Variants in LPAR1 observed in about 807,000 individuals in gnomAD.
LPAR1 encodes the protein LPA receptor 1.
Under a neutral mutation model 23.8 loss-of-function variants are expected in LPAR1, and 5 were observed. The observed-to-expected ratio is 0.21, with a 90% CI of 0.11 to 0.44. The LOEUF is 0.44. Ranked by LOEUF, LPAR1 falls within the 20% of genes least tolerant of loss-of-function variation. LPAR1 has a pLI of 0.99. For missense variants in LPAR1, 311 were observed against 482.8 expected (o/e 0.64, Z 3.33); for synonymous variants, 160 against 164.7 (o/e 0.97, Z 0.22).
intron 4 of LPAR1, among the ~76,000 whole-genome samples, chr9:110,959,553 G>A (rs1393879952): frequency 6.6e-6 from 1 of 152,122 alleles, no homozygotes; most frequent in Non-Finnish European, 1.5e-5. Context: ...GGGTGGTGGA[G>A]GTTGCAGTGA....
intron 5 of LPAR1, among the ~76,000 whole-genome samples, chr9:110,908,059 T>C (rs1422003049): frequency 6.6e-6 from 1 of 152,004 alleles, no homozygotes; most frequent in South Asian, 2.1e-4. Flanking sequence ...ATTCTGCTTC[T>C]CATCAGTTGC....
At chr9:110,971,697 C>T (rs16915603) in intron 4 of LPAR1, among the ~76,000 whole-genome samples, 14,868 of 151,712 alleles carry the variant, frequency 0.098, 915 homozygotes, top group Non-Finnish European at 0.15. Context: ...AAATTAGATC[C>T]ATTCTGATAT....
At chr9:110,960,772 T>C (rs953002902) in intron 4 of LPAR1, among the ~76,000 whole-genome samples, 6 of 152,226 alleles carry the variant, frequency 3.9e-5, no homozygotes, top group Admixed American at 3.3e-4. Context: ...TGTTGAACAC[T>C]GAGAACTCTA....
At chr9:111,024,142 A>G (rs1017631310) in intron 2 of LPAR1, among the ~76,000 whole-genome samples, 5 of 152,122 alleles carry the variant, frequency 3.3e-5, no homozygotes, top group South Asian at 4.1e-4. Flanking sequence ...TTGAACTTCA[A>G]CAAGATAGAT....
chr9:110,939,900 A>G (rs1301053044), intron 5 of LPAR1, among the ~76,000 whole-genome samples: 2 of 152,232 alleles, frequency 1.3e-5, no homozygotes, highest in African/African-American at 2.4e-5. Context: ...AATACAGGAA[A>G]AAAGTCTCAT....
In LPAR1 at chr9:110,972,140, G is replaced by T. The variant is rs777062566; in HGVS notation, c.-23C>A. ...CATGACAGCTCTGTGGTTGTAGGTG[G>T]TGAACACGCCCCAGAACTACGGGAG... On this transcript the variant is annotated 5_prime_UTR_variant, in exon 4 of 6. Coordinates refer to ENST00000683809, the MANE Select transcript of LPAR1 (RefSeq NM_001351411.2). The T allele has an allele frequency of 2.5e-6, 4 of 1,612,150 alleles. No individual in the cohort carries two copies. The Admixed American group carries it at 5.0e-5, about 20-fold the overall frequency.
intron 4 of LPAR1, among the ~76,000 whole-genome samples, chr9:110,962,585 T>G (rs574265430): frequency 6.6e-6 from 1 of 152,216 alleles, no homozygotes; most frequent in Admixed American, 6.5e-5. Flanking sequence ...TACTAAAGGT[T>G]GTCTGAATCA....
intron 5 of LPAR1, among the ~76,000 whole-genome samples, chr9:110,938,708 GAA>G (rs71494806): frequency 1.1e-4 from 16 of 146,666 alleles, no homozygotes; most frequent in African/African-American, 3.3e-4. Flanking sequence ...AAAGAAAAAA[GAA>G]AAAAAAAAAT....
At chr9:110,878,199 C>T (rs1166559718) in intron 5 of LPAR1, among the ~76,000 whole-genome samples, 3 of 152,098 alleles carry the variant, frequency 2.0e-5, no homozygotes, top group Admixed American at 2.0e-4. Flanking sequence ...AGACTCAATC[C>T]AATAATTTCA....
intron 4 of LPAR1, among the ~76,000 whole-genome samples, chr9:110,952,006 C>A (rs2095584873): frequency 6.6e-6 from 1 of 152,198 alleles, no homozygotes; most frequent in South Asian, 2.1e-4. Context: ...TAAAAACTTG[C>A]AGAAGCCAAG....
chr9:110,995,263 A>G (rs903942571), intron 2 of LPAR1, among the ~76,000 whole-genome samples: 1 of 152,198 alleles, frequency 6.6e-6, no homozygotes, highest in African/African-American at 2.4e-5. Context: ...GAGCCAAATA[A>G]GAAACCCAGT....
chr9:110,927,757 C>T (rs2094143795), intron 5 of LPAR1, among the ~76,000 whole-genome samples: 1 of 152,054 alleles, frequency 6.6e-6, no homozygotes, highest in Admixed American at 6.6e-5. Context: ...GGTTTAGTTA[C>T]TGCAATTTGG....
chr9:111,025,379 C>T (rs1036308374), intron 2 of LPAR1, among the ~76,000 whole-genome samples: 1 of 152,108 alleles, frequency 6.6e-6, no homozygotes, highest in African/African-American at 2.4e-5. Flanking sequence ...ATCCTTCGCC[C>T]ACGTTTTGAT....
intron 2 of LPAR1, among the ~76,000 whole-genome samples, chr9:111,026,306 A>G (rs1588927251): frequency 1.3e-5 from 2 of 152,284 alleles, no homozygotes; most frequent in South Asian, 4.1e-4. Flanking sequence ...ATGGGAGTTC[A>G]TTTATGATTT....
intron 2 of LPAR1, among the ~76,000 whole-genome samples, chr9:110,994,832 G>A (rs1035167702): frequency 2.6e-5 from 4 of 152,136 alleles, no homozygotes; most frequent in Non-Finnish European, 4.4e-5. Context: ...CCTGATTTTA[G>A]AGAAGACAGG....
At position 110,941,435 on chromosome 9, in the gene LPAR1, A is replaced by T; in HGVS notation, c.779T>A (p.Val260Glu). The T allele has an allele frequency of 6.2e-7, 1 of 1,611,020 alleles. No homozygotes were observed. The highest frequency in any genetic ancestry group is 1.1e-5 in the South Asian group (1 of 90,676). ...RDTMMSLLKT[V>E]VIVLGAFIIC... Reference sequence around the variant, plus strand: ...ACAGAACTTACCAAGCACAATGACCACAGTCTTCAGAAGACTCATCATGGT... The same window carrying T: ...ACAGAACTTACCAAGCACAATGACCTCAGTCTTCAGAAGACTCATCATGGT... The change falls in exon 5 of 6, where the codon GTG (valine) becomes GAG (glutamate). Residue 260 changes from valine to glutamate, a missense_variant. Physicochemically the swap from Val to Glu is moderately radical, Grantham distance 121. Around this residue, in one of 2 missense-constraint regions of LPAR1, gnomAD observed 250 missense variants for 427.2 expected, o/e 0.59. Coordinates refer to ENST00000683809, the MANE Select transcript of LPAR1 (RefSeq NM_001351411.2). This position sits in a 1 kb window ranked among gnomAD's most constrained non-coding sequence, Gnocchi z 6.1.
intron 4 of LPAR1, among the ~76,000 whole-genome samples, chr9:110,954,093 T>C (rs1339064936): frequency 6.6e-6 from 1 of 151,838 alleles, no homozygotes; most frequent in East Asian, 1.9e-4. Flanking sequence ...AAATGAGAAA[T>C]TTAGCAGAGA....
intron 2 of LPAR1, among the ~76,000 whole-genome samples, chr9:110,984,444 A>G (rs1421969149): frequency 2.6e-5 from 4 of 152,100 alleles, no homozygotes; most frequent in South Asian, 2.1e-4. Flanking sequence ...TCCATTGTGT[A>G]TAAGTACCAC....
At chr9:110,901,258 T>C (rs973134231) in intron 5 of LPAR1, among the ~76,000 whole-genome samples, 4 of 151,968 alleles carry the variant, frequency 2.6e-5, no homozygotes, top group African/African-American at 9.7e-5. Context: ...AAAGATAGAG[T>C]ATTTGTTGAC....
Sources: allele counts gnomAD v4.1 joint callset (sites outside exome capture counted in the v4.1 genomes callset), GRCh38; gene constraint gnomAD v4.1.1; regional missense constraint gnomAD v4.1.1; non-coding constraint Gnocchi (gnomAD v3.1); transcripts MANE v1.5; gene names NCBI Gene and HGNC (gene_info 2026-07-23, HGNC 2026-07-21).